Variants in NRP1 observed in about 807,000 individuals in gnomAD.
The protein encoded by NRP1 is neuropilin-1.
In NRP1, 35 loss-of-function variants were observed where a neutral mutation model predicts 106.7. That is an observed-to-expected ratio of 0.33 (90% CI 0.25 to 0.43). The LOEUF (loss-of-function observed/expected upper bound fraction) is 0.43. NRP1 is among the 20% of genes least tolerant of loss of function. The pLI is 1.00. For missense variants in NRP1, 1,024 were observed against 1,170.4 expected (o/e 0.87, Z 1.83); for synonymous variants, 437 against 417.9 (o/e 1.05, Z -0.56).
chr10:33,318,005 C>T lies in NRP1; in HGVS notation c.248+12703G>A, dbSNP rs79900537. ...GAACTTATTTAAGGAACCAAACCTGCGGATGCACTTCCTGTTATAGTAATA... is the reference window on the plus strand; with the variant it reads ...GAACTTATTTAAGGAACCAAACCTGTGGATGCACTTCCTGTTATAGTAATA... On this transcript the variant is annotated intron_variant, in intron 2 of 16. Transcript: ENST00000374867. Among the ~76,000 whole-genome samples the T allele has an allele frequency of 2.6e-3, 396 of 152,298 alleles. 2 individuals are homozygous for T. Among genetic ancestry groups the T allele is most frequent in the African/African-American group, 9.0e-3 (375 of 41,566 alleles).
intron 10 of NRP1, chr10:33,205,993 C>G (rs1837744854): frequency 3.7e-6 from 1 of 271,070 alleles, no homozygotes; most frequent in South Asian, 3.9e-5. Context: ...GTTAGTTTGG[C>G]CTATGCCCAG....
intron 3 of NRP1, 36 bp from the exon 4 acceptor site, chr10:33,263,909 T>A (rs1473823932): frequency 2.2e-6 from 3 of 1,375,898 alleles, no homozygotes; most frequent in East Asian, 2.3e-5. Context: ...AAAGTGAAAA[T>A]CCCACTTAAA....
rs763657085 is a variant in NRP1, at chr10:33,213,396, C to T, written c.1604G>A (p.Arg535His). 7.4e-6 allele frequency: 12 copies of T among 1,613,906 alleles called. No individual in the cohort carries two copies. The highest frequency in any genetic ancestry group is 1.7e-5 in the Admixed American group (1 of 59,994). The change falls in exon 9 of 17, where the codon CGC (arginine) becomes CAC (histidine). Residue 535 changes from arginine (R) to histidine (H), a missense_variant. By Grantham distance (29) the Arg-to-His change is conservative. This residue lies in a region of NRP1 where 562 missense variants were observed against 620.3 expected (regional missense o/e 0.91). Coordinates refer to ENST00000374867, the MANE Select transcript of NRP1 (RefSeq NM_003873.7). ...DWKMIMDDSK[R>H]KAKSFEGNNN... ...GTCCCCAGCCCTCACCTTCGCCTTG[C>T]GTTTGCTGTCATCCATGATCATCTT...
chr10:33,223,337 G>A (rs982211830), intron 7 of NRP1, among the ~76,000 whole-genome samples: 5 of 152,150 alleles, frequency 3.3e-5, no homozygotes, highest in African/African-American at 7.2e-5. Context: ...AGAGTTGGTT[G>A]TGGCTGGGTG....
intron 2 of NRP1, among the ~76,000 whole-genome samples, chr10:33,322,277 C>T (rs1847565076): frequency 6.6e-6 from 1 of 152,114 alleles, no homozygotes; most frequent in African/African-American, 2.4e-5. Context: ...TTTATATGCG[C>T]TTTGTGCTTT....
chr10:33,213,370 A>G lies in NRP1; in HGVS notation c.1614+16T>C, dbSNP rs768670763. 6.2e-7 allele frequency: 1 copy of G among 1,614,062 alleles called. No individual in the cohort carries two copies. Among genetic ancestry groups the G allele is most frequent in the Non-Finnish European group, 8.5e-7 (1 of 1,180,022 alleles). On this transcript the variant is annotated intron_variant, in intron 9 of 16. Coordinates refer to ENST00000374867, the MANE Select transcript of NRP1 (RefSeq NM_003873.7). ...AGGACATAAGGGATGACCTCCTCCC[A>G]GTCCCCAGCCCTCACCTTCGCCTTG... is the stretch of plus-strand genomic sequence containing the variant.
At chr10:33,249,699 A>G (rs1241953278) in intron 6 of NRP1, 3 of 348,818 alleles carry the variant, frequency 8.6e-6, no homozygotes, top group East Asian at 7.5e-5. Flanking sequence ...GCCACTGACA[A>G]TGAGGAAATT....
At chr10:33,321,783 A>T (rs1248543851) in intron 2 of NRP1, among the ~76,000 whole-genome samples, 1 of 152,198 alleles carries the variant, frequency 6.6e-6, no homozygotes, top group Non-Finnish European at 1.5e-5. Flanking sequence ...TTCTGGAGAA[A>T]TATGAGAACT....
chr10:33,310,541 G>T (rs1000360430), intron 2 of NRP1, among the ~76,000 whole-genome samples: 1 of 152,076 alleles, frequency 6.6e-6, no homozygotes, highest in Non-Finnish European at 1.5e-5. Context: ...GTGAGCCACC[G>T]CGCCCAGCTG....
intron 4 of NRP1, among the ~76,000 whole-genome samples, chr10:33,260,228 G>A (rs1028328249): frequency 1.3e-5 from 2 of 151,988 alleles, no homozygotes; most frequent in Non-Finnish European, 2.9e-5. Flanking sequence ...CATTTCAAAC[G>A]TACAAAATAG....
chr10:33,283,860 A>C (rs532334540), intron 2 of NRP1, among the ~76,000 whole-genome samples: 1 of 152,354 alleles, frequency 6.6e-6, no homozygotes, highest in African/African-American at 2.4e-5. Context: ...CCATATGACC[A>C]CACAAAGGTG....
Position 33,254,046 on chromosome 10 carries a change from G to A in NRP1, c.963C>T (p.Ser321=), listed in dbSNP as rs1433711748. Residue 321 remains serine, a synonymous_variant, in exon 6 of 17, where the codon TCC becomes TCT. Transcript: ENST00000374867. ...PENGWTPGED[S]YREWIQVDLG... is the part of the protein sequence containing the mutation. ...TGCATACCTGTATCCACTCTCGGTA[G>A]GAATCCTCTCCGGGAGTCCACCCAT... The A allele has an allele frequency of 3.7e-6, 6 of 1,611,222 alleles. No homozygotes were observed. The highest frequency in any genetic ancestry group is 1.7e-6 in the Non-Finnish European group (2 of 1,179,326).
At chr10:33,256,587 A>G in intron 4 of NRP1, 116 bp from the exon 5 acceptor site, 1 of 1,111,334 alleles carries the variant, frequency 9.0e-7, no homozygotes. Flanking sequence ...TCTAACCCAA[A>G]GCAAGGCTTC....
intron 2 of NRP1, among the ~76,000 whole-genome samples, chr10:33,274,279 TC>T (rs1173877745): frequency 6.6e-6 from 1 of 152,148 alleles, no homozygotes; most frequent in African/African-American, 2.4e-5. Flanking sequence ...CTCCATTATT[TC>T]CCCAGACTCC....
rs774819716 is a variant in NRP1, at chr10:33,180,336, C to T, written c.2512G>A (p.Glu838Lys). 6.2e-7 allele frequency: 1 copy of T among 1,603,860 alleles called. No individual in the cohort carries two copies. Among genetic ancestry groups the T allele is most frequent in the South Asian group, 1.1e-5 (1 of 90,634 alleles). Residue 838 changes from glutamate (E) to lysine (K), a missense_variant, in exon 17 of 17, where the codon GAA becomes AAA. By Grantham distance (56) the Glu-to-Lys change is moderately conservative. This residue lies in a region of NRP1 where 164 missense variants were observed against 161.4 expected (regional missense o/e 1.02). Coordinates refer to ENST00000374867, the MANE Select transcript of NRP1 (RefSeq NM_003873.7). ...TTCCTGGAGATGTTCTTGTCACCTTCTCCTTCACCTTCGTATCCTGGCGTG... is the reference window on the plus strand; with the variant it reads ...TTCCTGGAGATGTTCTTGTCACCTTTTCCTTCACCTTCGTATCCTGGCGTG... ...GSTPGYEGEG[E>K]GDKNISRKPG...
intron 6 of NRP1, among the ~76,000 whole-genome samples, chr10:33,248,872 C>G (rs988679839): frequency 2.0e-5 from 3 of 152,148 alleles, no homozygotes; most frequent in African/African-American, 7.2e-5. Flanking sequence ...ATTCTCTGCT[C>G]CTCCAGAATA....
At chr10:33,185,333 A>G (rs1048028806) in intron 15 of NRP1, among the ~76,000 whole-genome samples, 1 of 152,184 alleles carries the variant, frequency 6.6e-6, no homozygotes, top group Non-Finnish European at 1.5e-5. Flanking sequence ...TCGGTATGGC[A>G]TCTATAGCTT....
In NRP1 at chr10:33,226,223, T is replaced by C; in HGVS notation, c.1048A>G (p.Lys350Glu). Residue 350 changes from lysine (K) to glutamate (E), a missense_variant, in exon 7 of 17, where the codon AAG becomes GAG. By Grantham distance (56) the Lys-to-Glu change is moderately conservative. Coordinates refer to ENST00000374867, the MANE Select transcript of NRP1 (RefSeq NM_003873.7). The stretch of plus-strand genomic sequence containing the variant: ...TAAGTCTTGACATAATATTTCTTCT[T>C]GGTTTCTTTTGAAATGGCGCCCTGT... ...GTQGAISKET[K>E]KKYYVKTYKI... 1 of 1,614,194 alleles carries C rather than the reference T, an allele frequency of 6.2e-7. No individual in the cohort carries two copies. The highest frequency in any genetic ancestry group is 2.2e-5 in the East Asian group (1 of 44,884).
rs891768846 is a variant in NRP1 at position 33,180,011 on chromosome 10, G to C, written c.*65C>G. Reference sequence around the variant, plus strand: ...CAGCCTGTATAGTGAAAGATCAACAGCTCCCCAGCTCACTCCCGTCCTTCC... The same window carrying C: ...CAGCCTGTATAGTGAAAGATCAACACCTCCCCAGCTCACTCCCGTCCTTCC... On this transcript the variant is annotated 3_prime_UTR_variant, in exon 17 of 17. Transcript: ENST00000374867. 2.6e-6 allele frequency: 4 copies of C among 1,519,942 alleles called. No homozygotes were observed. Among genetic ancestry groups the C allele is most frequent in the Non-Finnish European group, 3.6e-6 (4 of 1,111,272 alleles). The allele number at this position is 1,519,942 out of a possible 1,614,324, so 94.2% of individuals were successfully genotyped here.
Sources: gnomAD v4.1 joint callset for allele counts (sites outside exome capture counted in the v4.1 genomes callset) on GRCh38, gnomAD v4.1.1 for gene constraint, gnomAD v4.1.1 regional missense constraint, MANE v1.5 for transcripts, NCBI Gene and HGNC (gene_info 2026-07-23, HGNC 2026-07-21) for gene names.